The following FASLG variants were observed in gnomAD, a reference collection of about 807,000 sequenced individuals.
FASLG encodes the protein tumor necrosis factor ligand superfamily member 6.
Under a neutral mutation model 24.6 loss-of-function variants are expected in FASLG, and 9 were observed. The ratio of observed to expected loss-of-function variants is 0.37; its 90% CI spans 0.22 to 0.64. The LOEUF (loss-of-function observed/expected upper bound fraction) is 0.64, where lower values mean the gene tolerates loss of function less well. Among genes scored for constraint, FASLG ranks in the 30% least tolerant of loss-of-function variants. FASLG has a pLI of 0.64. For missense variants in FASLG, 306 were observed against 345.3 expected (o/e 0.89, Z 0.90); for synonymous variants, 130 against 135.5 (o/e 0.96, Z 0.28).
intron 3 of FASLG, among the ~76,000 whole-genome samples, chr1:172,665,040 G>C (rs1469373300): frequency 6.6e-6 from 1 of 152,236 alleles, no homozygotes; most frequent in Non-Finnish European, 1.5e-5. Context: ...ATGTGAAGAT[G>C]AGTAGCACAT....
intron 2 of FASLG, among the ~76,000 whole-genome samples, chr1:172,663,462 A>G (rs1659184910): frequency 6.6e-6 from 1 of 152,162 alleles, no homozygotes; most frequent in African/African-American, 2.4e-5. Flanking sequence ...AGAAAGCGGT[A>G]ATAGGTAGTC....
chr1:172,660,749 G>A (rs1659120095), intron 2 of FASLG, among the ~76,000 whole-genome samples: 1 of 152,164 alleles, frequency 6.6e-6, no homozygotes, highest in Non-Finnish European at 1.5e-5. Flanking sequence ...AGGCAGTCAT[G>A]AGGTACCCTT....
chr1:172,659,641 C>T (rs1659095610), intron 1 of FASLG, 92 bp downstream of exon 1: 3 of 1,209,436 alleles, frequency 2.5e-6, no homozygotes, highest in South Asian at 3.3e-5. Flanking sequence ...CTTTTCAATC[C>T]TTTTTTTTTT....
At position 172,666,096 on chromosome 1, in the gene FASLG, A is replaced by C; in HGVS notation, c.*80A>C. The C allele has an allele frequency of 6.4e-7, 1 of 1,566,256 alleles. No homozygotes were observed. The highest frequency in any genetic ancestry group is 8.7e-7 in the Non-Finnish European group (1 of 1,147,258). The stretch of plus-strand genomic sequence containing the variant: ...TGTTGTATTCAGTGAGGGTCTTCTT[A>C]CATGCATTTGAGGTCAAGTAAGAAG... On this transcript the variant is annotated 3_prime_UTR_variant, in exon 4 of 4. Transcript: ENST00000367721.
rs765707533 is a variant in FASLG at position 172,666,007 on chromosome 1, TAAGCTCTAAGAG to T, written c.842_*7del. 1 of 1,614,188 alleles carries T rather than the reference TAAGCTCTAAGAG, an allele frequency of 6.2e-7. No individual in the cohort carries two copies. The highest frequency in any genetic ancestry group is 1.3e-5 in the African/African-American group (1 of 75,054). On this transcript the variant is annotated stop_lost and 3_prime_UTR_variant, in exon 4 of 4. Transcript: ENST00000367721. ...AATCTCAGACGTTTTTCGGCTTATATAAGCTCTAAGAGAAGCACTTTGGGATTCTTTCCATTA... is the reference window on the plus strand; with the variant it reads ...AATCTCAGACGTTTTTCGGCTTATATAAGCACTTTGGGATTCTTTCCATTA...
In FASLG at chr1:172,665,789, C is replaced by T; in HGVS notation, c.619C>T (p.Leu207=). 1 of 1,614,136 alleles carries T rather than the reference C, an allele frequency of 6.2e-7. No individual in the cohort carries two copies. The highest frequency in any genetic ancestry group is 1.1e-5 in the South Asian group (1 of 91,062). The change falls in exon 4 of 4, where the codon CTG becomes TTG. Residue 207 remains leucine, a synonymous_variant. Transcript: ENST00000367721. ...FRGQSCNNLP[L]SHKVYMRNSK... ...GGGTCAATCTTGCAACAACCTGCCC[C>T]TGAGCCACAAGGTCTACATGAGGAA...
In FASLG at chr1:172,659,479, C is replaced by T. The variant is rs758796005; in HGVS notation, c.278C>T (p.Ala93Val). ...GTGATGTTTTTCATGGTTCTGGTTG[C>T]CTTGGTAGGATTGGGCCTGGGGATG... The part of the protein sequence containing the change: ...LLVMFFMVLV[A>V]LVGLGLGMFQ... The change falls in exon 1 of 4, where the codon GCC becomes GTC. Residue 93 changes from alanine to valine, a missense_variant. Coordinates refer to ENST00000367721, the MANE Select transcript of FASLG (RefSeq NM_000639.3). 80 of 1,613,954 alleles carry T rather than the reference C, an allele frequency of 5.0e-5. No individual in the cohort carries two copies. The highest frequency in any genetic ancestry group is 6.3e-5 in the Non-Finnish European group (74 of 1,179,994).
Position 172,666,061 on chromosome 1 carries a change from G to A in FASLG, c.*45G>A, listed in dbSNP as rs1422775287. ...TTTCCATTATGATTCTTTGTTACAG[G>A]CACCGAGAATGTTGTATTCAGTGAG... On this transcript the variant is annotated 3_prime_UTR_variant, in exon 4 of 4. Transcript: ENST00000367721. The A allele has an allele frequency of 2.5e-6, 4 of 1,608,920 alleles. No individual in the cohort carries two copies. Among genetic ancestry groups the A allele is most frequent in the Non-Finnish European group, 3.4e-6 (4 of 1,178,074 alleles).
rs1386681373 is a variant in FASLG, at chr1:172,664,343, G to C, written c.404G>C (p.Ser135Thr). The stretch of plus-strand genomic sequence containing the variant: ...TCTCTCTATGATACAGGCCACCCCA[G>C]TCCACCCCCTGAAAAAAAGGAGCTG... ...SSLEKQIGHP[S>T]PPPEKKELRK... The change falls in exon 3 of 4, where the codon AGT becomes ACT. Residue 135 changes from serine (S) to threonine (T), a missense_variant. Physicochemically the swap from Ser to Thr is moderately conservative, Grantham distance 58. Transcript: ENST00000367721. 6.2e-7 allele frequency: 1 copy of C among 1,613,746 alleles called. No homozygotes were observed. The highest frequency in any genetic ancestry group is 1.1e-5 in the South Asian group (1 of 91,060).
At position 172,666,135 on chromosome 1, in the gene FASLG, G is replaced by A. The variant is rs753021852; in HGVS notation, c.*119G>A. The A allele has an allele frequency of 9.6e-6, 12 of 1,243,878 alleles. No individual in the cohort carries two copies. The highest frequency in any genetic ancestry group is 2.0e-5 in the Admixed American group (1 of 49,706). The allele number at this position is 1,243,878 out of a possible 1,614,324, so 77.1% of individuals were successfully genotyped here. A position where few individuals can be genotyped will look rare whatever the true frequency, so the allele number is the denominator to read the frequency against. On this transcript the variant is annotated 3_prime_UTR_variant, in exon 4 of 4. Transcript: ENST00000367721. ...TCAAGTAAGAAGACATGAACCAAGTGGACCTTGAGACCACAGGGTTCAAAA... is the reference window on the plus strand; with the variant it reads ...TCAAGTAAGAAGACATGAACCAAGTAGACCTTGAGACCACAGGGTTCAAAA...
chr1:172,661,666 G>C (rs1331280155), intron 2 of FASLG, among the ~76,000 whole-genome samples: 1 of 151,794 alleles, frequency 6.6e-6, no homozygotes, highest in Non-Finnish European at 1.5e-5. Flanking sequence ...ACCAGAAATT[G>C]GTAAATCATC....
In FASLG at chr1:172,659,513, C is replaced by T. The variant is rs1330030460; in HGVS notation, c.312C>T (p.Leu104=). 4 of 1,614,056 alleles carry T rather than the reference C, an allele frequency of 2.5e-6. No homozygotes were observed. Among genetic ancestry groups the T allele is most frequent in the Non-Finnish European group, 3.4e-6 (4 of 1,180,022 alleles). ...LVGLGLGMFQ[L]FHLQKELAEL... ...GATTGGGCCTGGGGATGTTTCAGCTCTTCCACCTACAGAAGGAGCTGGCAG... is the reference window on the plus strand; with the variant it reads ...GATTGGGCCTGGGGATGTTTCAGCTTTTCCACCTACAGAAGGAGCTGGCAG... Residue 104 remains leucine (L), a synonymous_variant, in exon 1 of 4, where the codon CTC becomes CTT. Transcript: ENST00000367721.
intron 1 of FASLG, 75 bp downstream of exon 1, chr1:172,659,624 C>CAA: frequency 6.5e-7 from 1 of 1,545,630 alleles, no homozygotes; most frequent in Non-Finnish European, 8.7e-7. Flanking sequence ...GCCTGGCTTG[C>CAA]AAAGTGCTTT....
chr1:172,664,363 G>T lies in FASLG; in HGVS notation c.424G>T (p.Glu142Ter). 6.2e-7 allele frequency: 1 copy of T among 1,614,034 alleles called. No individual in the cohort carries two copies. Among genetic ancestry groups the T allele is most frequent in the Non-Finnish European group, 8.5e-7 (1 of 1,179,968 alleles). Reference protein sequence around the residue: ...GHPSPPPEKKELRKVAHLTGK... With the variant: ...GHPSPPPEKK The stretch of plus-strand genomic sequence containing the variant: ...CCCCAGTCCACCCCCTGAAAAAAAG[G>T]AGCTGAGGAAAGTGGCCCATTTAAC... Residue 142 changes from glutamate (E) to a stop codon, truncating the protein, a stop_gained, in exon 3 of 4, where the codon GAG (glutamate) becomes TAG (stop). Coordinates refer to ENST00000367721, the MANE Select transcript of FASLG (RefSeq NM_000639.3). LOFTEE classifies it high-confidence loss of function.
chr1:172,660,857 T>G (rs1659122264), intron 2 of FASLG, among the ~76,000 whole-genome samples: 1 of 152,252 alleles, frequency 6.6e-6, no homozygotes, highest in African/African-American at 2.4e-5. Flanking sequence ...GTGCAAGCTC[T>G]GTACAGATAG....
chr1:172,659,397 C>T lies in FASLG; in HGVS notation c.196C>T (p.Leu66=), dbSNP rs1659089169. The T allele has an allele frequency of 6.2e-7, 1 of 1,612,534 alleles. No individual in the cohort carries two copies. The highest frequency in any genetic ancestry group is 1.7e-5 in the Admixed American group (1 of 59,690). Residue 66 remains leucine (L), a synonymous_variant, in exon 1 of 4, where the codon CTA becomes TTA. Coordinates refer to ENST00000367721, the MANE Select transcript of FASLG (RefSeq NM_000639.3). The part of the protein sequence containing the change: ...PPPPPPPLPP[L]PLPPLKKRGN... ...GCCGCCGCCGCCACCACTGCCTCCA[C>T]TACCGCTGCCACCCCTGAAGAAGAG...
chr1:172,660,401 C>T (rs1322053662), intron 2 of FASLG, among the ~76,000 whole-genome samples: 1 of 152,218 alleles, frequency 6.6e-6, no homozygotes, highest in East Asian at 1.9e-4. Context: ...AAGAGACACA[C>T]ATATACAACC....
intron 3 of FASLG, 134 bp downstream of exon 3, chr1:172,664,524 C>T: frequency 1.2e-6 from 1 of 840,938 alleles, no homozygotes; most frequent in Non-Finnish European, 2.0e-6. Flanking sequence ...ATAATACTAA[C>T]ACTTTTCTTG....
chr1:172,660,265 C>A, intron 2 of FASLG, 125 bp downstream of exon 2: 1 of 922,938 alleles, frequency 1.1e-6, no homozygotes, highest in Non-Finnish European at 1.8e-6. Context: ...GGAATTCTGG[C>A]TAATTCAGAA....
Sources: gnomAD v4.1 joint callset for allele counts (sites outside exome capture counted in the v4.1 genomes callset) on GRCh38, gnomAD v4.1.1 for gene constraint, MANE v1.5 for transcripts, NCBI Gene and HGNC (gene_info 2026-07-23, HGNC 2026-07-21) for gene names.